PRCP: variants seen among roughly 807,000 people sequenced by gnomAD.
PRCP encodes the protein prolylcarboxypeptidase.
In PRCP, 46 loss-of-function variants were observed where a neutral mutation model predicts 54.2. The observed-to-expected ratio is 0.85, with a 90% CI of 0.67 to 1.09. The LOEUF is 1.09. PRCP is among the 50% of genes least tolerant of loss of function. PRCP has a pLI of 0.00. For synonymous variants in PRCP, 240 were observed against 212.2 expected, an observed-to-expected ratio of 1.13 and a Z score of -1.14; for missense variants, 613 against 596.8, an observed-to-expected ratio of 1.03 and a Z score of -0.28.
chr11:82,898,925 G>T (rs182156904), intron 1 of PRCP, among the ~76,000 whole-genome samples: 1 of 152,084 alleles, frequency 6.6e-6, no homozygotes, highest in Non-Finnish European at 1.5e-5. Context: ...CAGGGGCATC[G>T]CTTGAGCCCA....
chr11:82,844,569 T>C (rs1858756490), intron 6 of PRCP, among the ~76,000 whole-genome samples: 1 of 151,352 alleles, frequency 6.6e-6, no homozygotes, highest in African/African-American at 2.4e-5. Context: ...AAACCCCGTC[T>C]CTACTAAAAA....
chr11:82,845,924 A>C (rs1324235674), intron 6 of PRCP: 1 of 152,210 alleles, frequency 6.6e-6, no homozygotes, highest in Non-Finnish European at 1.5e-5. Context: ...TGTTAACAGT[A>C]AACAAAAGCA....
intron 1 of PRCP, chr11:82,899,872 T>C: frequency 4.5e-6 from 1 of 222,608 alleles, no homozygotes; most frequent in South Asian, 6.0e-5. Context: ...AGGATGACTA[T>C]CACCGCAGAC....
At chr11:82,843,927 C>T (rs916640416) in intron 6 of PRCP, among the ~76,000 whole-genome samples, 1 of 150,016 alleles carries the variant, frequency 6.7e-6, no homozygotes, top group Non-Finnish European at 1.5e-5. Context: ...TTCATGCTCA[C>T]GTGTGAAATG....
chr11:82,873,519 T>C (rs541321200), intron 1 of PRCP, among the ~76,000 whole-genome samples: 3 of 152,202 alleles, frequency 2.0e-5, no homozygotes, highest in Non-Finnish European at 2.9e-5. Context: ...ATTCAAGAAA[T>C]TGATAGAAGG....
rs569901844 is a variant in PRCP, at chr11:82,887,580, T to C, written c.168+12655A>G. ...CAAAGTATTGTTCCTTGGGAGTACT[T>C]TGAACTGAAGAACACTGGAAGAGTC... On this transcript the variant is annotated intron_variant, in intron 1 of 8. Transcript: ENST00000313010. Among the ~76,000 whole-genome samples, 3 of 152,252 alleles carry C rather than the reference T, an allele frequency of 2.0e-5. No individual in the cohort carries two copies. In the South Asian group the frequency reaches 6.2e-4, roughly 32 times the overall value.
chr11:82,876,666 C>T (rs565914648), intron 1 of PRCP, among the ~76,000 whole-genome samples: 17 of 152,204 alleles, frequency 1.1e-4, no homozygotes, highest in East Asian at 3.9e-4. Flanking sequence ...TTTCTCTTGC[C>T]GCCACCATGT....
At chr11:82,892,679 C>G (rs1275931400) in intron 1 of PRCP, among the ~76,000 whole-genome samples, 2 of 152,160 alleles carry the variant, frequency 1.3e-5, no homozygotes, top group African/African-American at 4.8e-5. Context: ...ACACACACAA[C>G]AGGTCAGTAA....
intron 1 of PRCP, among the ~76,000 whole-genome samples, chr11:82,883,697 T>C (rs1299978842): frequency 6.6e-6 from 1 of 152,188 alleles, no homozygotes; most frequent in Non-Finnish European, 1.5e-5. Context: ...CTGCACTTGT[T>C]AGATGTGTGT....
chr11:82,867,416 G>C (rs140910710), intron 1 of PRCP, among the ~76,000 whole-genome samples: 1 of 152,182 alleles, frequency 6.6e-6, no homozygotes, highest in Middle Eastern at 3.2e-3. Context: ...ATATCCTGCC[G>C]TTGAGAATAC....
At chr11:82,850,623 G>T in intron 3 of PRCP, 118 bp from the exon 4 acceptor site, 1 of 755,474 alleles carries the variant, frequency 1.3e-6, no homozygotes, top group East Asian at 3.1e-5. Flanking sequence ...AGAATTTCTA[G>T]GCAATTGAGC....
chr11:82,889,836 C>T (rs1010816398), intron 1 of PRCP, among the ~76,000 whole-genome samples: 4 of 152,144 alleles, frequency 2.6e-5, no homozygotes, highest in Admixed American at 2.0e-4. Flanking sequence ...TAAAGAGTCG[C>T]AGTTTCTGAA....
At chr11:82,836,842 C>A in intron 8 of PRCP, 1 of 364,038 alleles carries the variant, frequency 2.7e-6, no homozygotes, top group East Asian at 1.0e-4. Context: ...GCCACTGCAT[C>A]CAGCCTCCTT....
At chr11:82,834,583 G>A (rs1315394910) in intron 8 of PRCP, among the ~76,000 whole-genome samples, 3 of 152,232 alleles carry the variant, frequency 2.0e-5, no homozygotes, top group Admixed American at 2.0e-4. Context: ...AAAGGAATGA[G>A]ATCATGTCCT....
chr11:82,849,230 A>G lies in PRCP; in HGVS notation c.752-12T>C. ...CTGCAAACCACTGCCTGGGAATAGA[A>G]TCACACTGTTGGAATCTAAAAAGTA... On this transcript the variant is annotated splice_polypyrimidine_tract_variant and intron_variant, in intron 5 of 8. Transcript: ENST00000313010. 1 of 1,613,638 alleles carries G rather than the reference A, an allele frequency of 6.2e-7. No individual in the cohort carries two copies. The highest frequency in any genetic ancestry group is 8.5e-7 in the Non-Finnish European group (1 of 1,179,684).
chr11:82,887,686 G>A (rs1449713367), intron 1 of PRCP, among the ~76,000 whole-genome samples: 1 of 152,082 alleles, frequency 6.6e-6, no homozygotes, highest in Non-Finnish European at 1.5e-5. Flanking sequence ...ATAGAAACTA[G>A]GACCCTTCTT....
At chr11:82,833,044 C>A (rs950183219) in intron 8 of PRCP, among the ~76,000 whole-genome samples, 5 of 152,200 alleles carry the variant, frequency 3.3e-5, no homozygotes, top group Non-Finnish European at 7.3e-5. Context: ...CACAGTCTTG[C>A]CTTTAAATTT....
chr11:82,871,332 C>T (rs1254836435), intron 1 of PRCP, among the ~76,000 whole-genome samples: 1 of 151,994 alleles, frequency 6.6e-6, no homozygotes, highest in Non-Finnish European at 1.5e-5. Context: ...GCGTGCCCCA[C>T]CATTCCCTGC....
At chr11:82,900,158 G>GCT in intron 1 of PRCP, 77 bp downstream of exon 1, 1 of 1,534,160 alleles carries the variant, frequency 6.5e-7, no homozygotes, top group Non-Finnish European at 8.9e-7. Flanking sequence ...TTCGAGGTAG[G>GCT]CTCCGTTGCC....
Sources: gnomAD v4.1 joint callset for allele counts (sites outside exome capture counted in the v4.1 genomes callset) on GRCh38, gnomAD v4.1.1 for gene constraint, MANE v1.5 for transcripts, NCBI Gene and HGNC (gene_info 2026-07-23, HGNC 2026-07-21) for gene names.